NKAIN2: variants seen among roughly 807,000 people sequenced by gnomAD.
The protein encoded by NKAIN2 is sodium/potassium-transporting ATPase subunit beta-1-interacting protein 2.
Under a neutral mutation model 32.6 loss-of-function variants are expected in NKAIN2, and 14 were observed. The ratio of observed to expected loss-of-function variants is 0.43; its 90% CI spans 0.28 to 0.67. The LOEUF is 0.67. NKAIN2 is among the 30% of genes least tolerant of loss of function. The pLI is 0.17. For synonymous variants in NKAIN2, 80 were observed against 87.2 expected (o/e 0.92, Z 0.46); for missense variants, 198 against 258.3 (o/e 0.77, Z 1.60).
rs73567806 is a variant in NKAIN2, at chr6:124,287,632, C to T, written c.192+4490C>T. 4.9e-3 allele frequency among the ~76,000 whole-genome samples: 742 copies of T among 152,164 alleles called. 6 individuals carry two copies. The highest frequency in any genetic ancestry group is 0.017 in the African/African-American group (688 of 41,538). On this transcript the variant is annotated intron_variant, in intron 2 of 6. Transcript: ENST00000368417. ...TTCATAGAAAGAATCAATCTTGTAT[C>T]TCAATCACATCAAATCCCAGAAAAT... is the stretch of plus-strand genomic sequence containing the variant.
intron 3 of NKAIN2, among the ~76,000 whole-genome samples, chr6:124,580,612 C>A (rs1426292649): frequency 1.3e-5 from 2 of 151,902 alleles, no homozygotes; most frequent in Admixed American, 6.6e-5. Context: ...GACCACAAAC[C>A]AACCAGAAAA....
At chr6:124,240,265 C>T (rs1793011126) in intron 1 of NKAIN2, among the ~76,000 whole-genome samples, 2 of 151,924 alleles carry the variant, frequency 1.3e-5, no homozygotes, top group African/African-American at 2.4e-5. Context: ...AGCCTATTAA[C>T]CAAAAAAAGC....
intron 3 of NKAIN2, among the ~76,000 whole-genome samples, chr6:124,377,115 CATATT>C (rs1800026234): frequency 6.6e-6 from 1 of 152,174 alleles, no homozygotes; most frequent in African/African-American, 2.4e-5. Context: ...AGATGGAAGA[CATATT>C]ATAATAATAT....
At chr6:123,903,248 A>G (rs978963682) in intron 1 of NKAIN2, among the ~76,000 whole-genome samples, 5 of 152,164 alleles carry the variant, frequency 3.3e-5, no homozygotes, top group African/African-American at 1.2e-4. Flanking sequence ...TTTGCAGCAG[A>G]AATTGGAGCA....
intron 6 of NKAIN2, among the ~76,000 whole-genome samples, chr6:124,822,973 A>G (rs1202490417): frequency 1.3e-5 from 2 of 152,226 alleles, no homozygotes; most frequent in Non-Finnish European, 2.9e-5. Flanking sequence ...CTAATTGTAC[A>G]GAAGTACATA....
chr6:124,292,960 A>G (rs1795885311), intron 2 of NKAIN2, among the ~76,000 whole-genome samples: 1 of 152,120 alleles, frequency 6.6e-6, no homozygotes, highest in African/African-American at 2.4e-5. Flanking sequence ...GTGCACAAGA[A>G]AAACAATCTA....
rs149191392 is a variant in NKAIN2, at chr6:124,682,889, T to C, written c.474+24503T>C. On this transcript the variant is annotated intron_variant, in intron 4 of 6. Transcript: ENST00000368417. The stretch of plus-strand genomic sequence containing the variant: ...AGATTACCTCTTTGCTTTACTCAGG[T>C]TCTCACTTGACATATCAAACCACGT... Among the ~76,000 whole-genome samples the C allele has an allele frequency of 7.2e-5, 11 of 152,274 alleles. No homozygotes were observed. The East Asian group carries it at 2.1e-3, about 29-fold the overall frequency.
At chr6:124,271,538 T>C (rs914989975) in intron 1 of NKAIN2, among the ~76,000 whole-genome samples, 1 of 152,192 alleles carries the variant, frequency 6.6e-6, no homozygotes, top group African/African-American at 2.4e-5. Context: ...CTTTACAAAT[T>C]ACCCAGTCTC....
At chr6:124,721,418 AAAAG>A (rs1209715415) in intron 4 of NKAIN2, among the ~76,000 whole-genome samples, 4 of 151,924 alleles carry the variant, frequency 2.6e-5, no homozygotes, top group African/African-American at 9.7e-5. Context: ...AAAAAAAAAA[AAAAG>A]AAAGAAATAT....
intron 1 of NKAIN2, among the ~76,000 whole-genome samples, chr6:123,927,326 A>T (rs1776046795): frequency 1.3e-5 from 2 of 152,180 alleles, no homozygotes; most frequent in African/African-American, 4.8e-5. Context: ...TCATATAAAC[A>T]TTCTGTTTTG....
chr6:124,822,454 T>C (rs138335504), intron 6 of NKAIN2, among the ~76,000 whole-genome samples: 66 of 152,284 alleles, frequency 4.3e-4, no homozygotes, highest in African/African-American at 1.6e-3. Flanking sequence ...CAATAGGCAT[T>C]TTTAGCTGTG....
chr6:124,413,286 G>T (rs560308245), intron 3 of NKAIN2, among the ~76,000 whole-genome samples: 1 of 152,084 alleles, frequency 6.6e-6, no homozygotes, highest in Non-Finnish European at 1.5e-5. Flanking sequence ...AAGAATTGAC[G>T]TTCATTCTTT....
chr6:123,837,284 A>G (rs1774670929), intron 1 of NKAIN2, among the ~76,000 whole-genome samples: 1 of 152,078 alleles, frequency 6.6e-6, no homozygotes, highest in African/African-American at 2.4e-5. Context: ...TTGTGTAAGC[A>G]AACCTGCTAT....
intron 4 of NKAIN2, among the ~76,000 whole-genome samples, chr6:124,774,856 CAAAAAA>C (rs777636496): frequency 2.7e-5 from 2 of 72,788 alleles, no homozygotes; most frequent in Non-Finnish European, 6.0e-5. Flanking sequence ...AACTTCATCT[CAAAAAA>C]AAAAAAAAAA....
chr6:124,109,523 A>C (rs1455660236), intron 1 of NKAIN2, among the ~76,000 whole-genome samples: 1 of 152,076 alleles, frequency 6.6e-6, no homozygotes, highest in East Asian at 1.9e-4. Context: ...GATTATGTGT[A>C]TATATGAATA....
chr6:124,651,127 G>C (rs752034964), intron 3 of NKAIN2, among the ~76,000 whole-genome samples: 84 of 150,740 alleles, frequency 5.6e-4, no homozygotes, highest in Non-Finnish European at 1.0e-3. Flanking sequence ...CTTAAAGCTG[G>C]AGAATAATCT....
At chr6:124,786,910 G>T (rs1161643712) in intron 4 of NKAIN2, among the ~76,000 whole-genome samples, 1 of 152,028 alleles carries the variant, frequency 6.6e-6, no homozygotes, top group Non-Finnish European at 1.5e-5. Flanking sequence ...TCTATTATCT[G>T]CTTTGTGCCG....
chr6:124,664,675 T>C (rs1044643554), intron 4 of NKAIN2, among the ~76,000 whole-genome samples: 19 of 148,008 alleles, frequency 1.3e-4, no homozygotes, highest in Non-Finnish European at 2.3e-4. Context: ...GCGCCTGTAG[T>C]CCCAGCTACT....
intron 1 of NKAIN2, among the ~76,000 whole-genome samples, chr6:124,255,443 C>G (rs975257523): frequency 1.3e-5 from 2 of 152,158 alleles, no homozygotes; most frequent in Admixed American, 1.3e-4. Flanking sequence ...TTGTCTACCT[C>G]CTCACTCTGT....
Sources: allele counts gnomAD v4.1 joint callset (sites outside exome capture counted in the v4.1 genomes callset), GRCh38; gene constraint gnomAD v4.1.1; transcripts MANE v1.5; gene names NCBI Gene and HGNC (gene_info 2026-07-23, HGNC 2026-07-21).